ZNF26: variants seen among roughly 807,000 people sequenced by gnomAD.
ZNF26 encodes the protein epididymis luminal protein 179.
ZNF26 carries 32 observed loss-of-function variants against 54.9 expected under a neutral mutation model. The ratio of observed to expected loss-of-function variants is 0.58; its 90% CI spans 0.44 to 0.78. The LOEUF (loss-of-function observed/expected upper bound fraction) is 0.78, where lower values mean the gene tolerates loss of function less well. ZNF26 is among the 30% of genes least tolerant of loss of function. The pLI is 0.00. For missense variants in ZNF26, 524 were observed against 634.0 expected (o/e 0.83, Z 1.86); for synonymous variants, 221 against 209.2 (o/e 1.06, Z -0.49).
chr12:133,010,957 C>T lies in ZNF26; in HGVS notation c.1078C>T (p.His360Tyr), dbSNP rs1178039900. 1 of 1,614,040 alleles carries T rather than the reference C, an allele frequency of 6.2e-7. No homozygotes were observed. The highest frequency in any genetic ancestry group is 8.5e-7 in the Non-Finnish European group (1 of 1,180,030). Residue 360 changes from histidine to tyrosine, a missense_variant, in exon 4 of 4, where the codon CAT becomes TAT. His to Tyr is a moderately conservative substitution (Grantham distance 83, BLOSUM62 2). Coordinates refer to ENST00000328654, the MANE Select transcript of ZNF26 (RefSeq NM_019591.4). ...CAATATGAAGACACAACTCATTGTA[C>T]ATCAGGGAGTTCACACAGGAAATAA... ...AFNMKTQLIV[H>Y]QGVHTGNNPY...
chr12:132,990,966 C>T (rs1952936616), intron 1 of ZNF26, among the ~76,000 whole-genome samples: 1 of 151,856 alleles, frequency 6.6e-6, no homozygotes, highest in African/African-American at 2.4e-5. Flanking sequence ...TCAAGCGATT[C>T]TCCTGCCTCA....
At position 133,024,077 on chromosome 12, in the gene ZNF26, T is replaced by A. The variant is rs1953674291; in HGVS notation, c.*12596T>A. 6.6e-6 allele frequency: 1 copy of A among 152,204 alleles called. No individual in the cohort carries two copies. The highest frequency in any genetic ancestry group is 1.5e-5 in the Non-Finnish European group (1 of 68,044). The allele number at this position is 152,204 out of a possible 1,614,324, so 9.4% of individuals were successfully genotyped here. Reference sequence around the variant, plus strand: ...TCAGAAATAATAACGTCTTTGTTGCTATTTGTGCTATAATGTTTTGAGGTG... The same window carrying A: ...TCAGAAATAATAACGTCTTTGTTGCAATTTGTGCTATAATGTTTTGAGGTG... On this transcript the variant is annotated 3_prime_UTR_variant, in exon 4 of 4. Transcript: ENST00000328654.
At position 133,010,248 on chromosome 12, in the gene ZNF26, A is replaced by G; in HGVS notation, c.369A>G (p.Ser123=). Residue 123 remains serine, a synonymous_variant, in exon 4 of 4, where the codon TCA becomes TCG. Coordinates refer to ENST00000328654, the MANE Select transcript of ZNF26 (RefSeq NM_019591.4). The stretch of plus-strand genomic sequence containing the variant: ...ATCTGAGCAAAACCCATGATTCTTC[A>G]AGACAGAGACTCTATAACACACGTG... ...RLNLSKTHDS[S]RQRLYNTRGK... 6.2e-7 allele frequency: 1 copy of G among 1,614,110 alleles called. No homozygotes were observed. The highest frequency in any genetic ancestry group is 8.5e-7 in the Non-Finnish European group (1 of 1,180,026).
At chr12:132,987,959 C>A (rs1286974018) in intron 1 of ZNF26, among the ~76,000 whole-genome samples, 1 of 152,232 alleles carries the variant, frequency 6.6e-6, no homozygotes, top group African/African-American at 2.4e-5. Flanking sequence ...TTTGTTGTTT[C>A]ACTAATACCA....
chr12:132,990,120 C>CA (rs1466637168), intron 1 of ZNF26, among the ~76,000 whole-genome samples: 2 of 151,808 alleles, frequency 1.3e-5, no homozygotes, highest in Non-Finnish European at 2.9e-5. Context: ...CCCATCTCTA[C>CA]AAAAAATTAA....
intron 1 of ZNF26, among the ~76,000 whole-genome samples, chr12:132,987,105 C>A (rs1403474840): frequency 6.6e-6 from 1 of 152,316 alleles, no homozygotes; most frequent in East Asian, 1.9e-4. Context: ...CACTTCATGG[C>A]CAGCTGCGGG....
At position 133,020,819 on chromosome 12, in the gene ZNF26, T is replaced by G. The variant is rs1953630208; in HGVS notation, c.*9338T>G. On this transcript the variant is annotated 3_prime_UTR_variant, in exon 4 of 4. Coordinates refer to ENST00000328654, the MANE Select transcript of ZNF26 (RefSeq NM_019591.4). ...TCTGTTCCAGGCCTCTCTCCTTGGCTTGTAGATGGCTGTCTTCTCACTGTC... is the reference window on the plus strand; with the variant it reads ...TCTGTTCCAGGCCTCTCTCCTTGGCGTGTAGATGGCTGTCTTCTCACTGTC... 1 of 152,234 alleles carries G rather than the reference T, an allele frequency of 6.6e-6. No individual in the cohort carries two copies. Among genetic ancestry groups the G allele is most frequent in the African/African-American group, 2.4e-5 (1 of 41,458 alleles). The allele number at this position is 152,234 out of a possible 1,614,324, so 9.4% of individuals were successfully genotyped here.
chr12:133,003,591 T>G (rs1339322226), intron 1 of ZNF26, among the ~76,000 whole-genome samples: 1 of 152,124 alleles, frequency 6.6e-6, no homozygotes, highest in Non-Finnish European at 1.5e-5. Flanking sequence ...TGTACTGTAT[T>G]CCTGTATGTA....
chr12:133,026,938 A>G lies in ZNF26; in HGVS notation c.*15457A>G, dbSNP rs1193492069. On this transcript the variant is annotated 3_prime_UTR_variant, in exon 4 of 4. Transcript: ENST00000328654. ...AGAGTGATATGAAACATAAATACCT[A>G]TATAGGTTAAGAAAAATATTCAATA... 3.3e-5 allele frequency: 5 copies of G among 152,226 alleles called. No homozygotes were observed. The highest frequency in any genetic ancestry group is 5.9e-5 in the Non-Finnish European group (4 of 68,040). 9.4% of individuals were successfully genotyped at this position (152,226 alleles called of 1,614,324 possible). A position where few individuals can be genotyped will look rare whatever the true frequency, so the allele number is the denominator to read the frequency against.
At position 133,013,349 on chromosome 12, in the gene ZNF26, A is replaced by C. The variant is rs1953521497; in HGVS notation, c.*1868A>C. 6.6e-6 allele frequency: 1 copy of C among 152,284 alleles called. No homozygotes were observed. The highest frequency in any genetic ancestry group is 1.5e-5 in the Non-Finnish European group (1 of 68,088). The allele number at this position is 152,284 out of a possible 1,614,324, so 9.4% of individuals were successfully genotyped here. On this transcript the variant is annotated 3_prime_UTR_variant, in exon 4 of 4. Transcript: ENST00000328654. ...ATAGTATATTTGGCTTGGTGAATTA[A>C]AGTCAGTTCACCTCAAATGTTTACT...
rs1352212323 is a variant in ZNF26 at position 132,986,577 on chromosome 12, T to C, written c.-264T>C. 3.5e-6 allele frequency: 2 copies of C among 570,944 alleles called. No homozygotes were observed. Among genetic ancestry groups the C allele is most frequent in the African/African-American group, 3.8e-5 (2 of 53,120 alleles). The allele number at this position is 570,944 out of a possible 1,614,324, so 35.4% of individuals were successfully genotyped here. On this transcript the variant is annotated 5_prime_UTR_variant, in exon 1 of 4. Coordinates refer to ENST00000328654, the MANE Select transcript of ZNF26 (RefSeq NM_019591.4). ...CGTGGACGGGGCCAGATCAGCCTCC[T>C]GCTCTCCCGAGTCAGGGCCACGGAA...
At chr12:132,996,892 T>TTTTTGTTTTGTTTTGTTTTG (rs61558774) in intron 1 of ZNF26, among the ~76,000 whole-genome samples, 1 of 151,360 alleles carries the variant, frequency 6.6e-6, no homozygotes, top group Non-Finnish European at 1.5e-5. Flanking sequence ...TTCTCATGGT[T>TTTTTGTTTTGTTTTGTTTTG]TTTTGTTTTG....
intron 1 of ZNF26, among the ~76,000 whole-genome samples, chr12:132,991,549 C>T (rs1952956815): frequency 6.6e-6 from 1 of 151,750 alleles, no homozygotes; most frequent in Non-Finnish European, 1.5e-5. Context: ...GTAATCCCAG[C>T]ACTTTGGGAG....
Position 133,001,719 on chromosome 12 carries a change from T to C in ZNF26, c.34-5323T>C. 7.8e-7 allele frequency: 1 copy of C among 1,288,932 alleles called. No homozygotes were observed. The highest frequency in any genetic ancestry group is 2.3e-5 in the Admixed American group (1 of 43,546). The allele number at this position is 1,288,932 out of a possible 1,614,324, so 79.8% of individuals were successfully genotyped here. A position where few individuals can be genotyped will look rare whatever the true frequency, so the allele number is the denominator to read the frequency against. ...GTGTTCCTTGGGCCCAGGGAAACAG[T>C]GCCCTGCCTGAGGTGAGCCGCAGGG... On this transcript the variant is annotated intron_variant, in intron 1 of 3. Transcript: ENST00000328654. The surrounding 1 kb of genome is among the most constrained non-coding windows in gnomAD (Gnocchi z 4.7).
chr12:132,990,541 C>T (rs760522256), intron 1 of ZNF26, among the ~76,000 whole-genome samples: 1 of 152,018 alleles, frequency 6.6e-6, no homozygotes, highest in Non-Finnish European at 1.5e-5. Flanking sequence ...GGTATTAGAG[C>T]GATGCTGTCT....
Position 133,015,867 on chromosome 12 carries a change from C to G in ZNF26, c.*4386C>G, listed in dbSNP as rs2137272121. The G allele has an allele frequency of 6.6e-6, 1 of 152,190 alleles. No individual in the cohort carries two copies. The highest frequency in any genetic ancestry group is 1.9e-4 in the East Asian group (1 of 5,182). 9.4% of individuals were successfully genotyped at this position (152,190 alleles called of 1,614,324 possible). ...TACTGGCAAATAAAAGTGCTTCAAGCAGACGTTTATTTAGAAATTCATGCT... is the reference window on the plus strand; with the variant it reads ...TACTGGCAAATAAAAGTGCTTCAAGGAGACGTTTATTTAGAAATTCATGCT... On this transcript the variant is annotated 3_prime_UTR_variant, in exon 4 of 4. Transcript: ENST00000328654.
At chr12:132,987,693 G>T (rs1952854029) in intron 1 of ZNF26, 14 of 985,292 alleles carry the variant, frequency 1.4e-5, no homozygotes, top group Non-Finnish European at 1.7e-5. Flanking sequence ...GGTCTAAACT[G>T]GAAATACATA....
chr12:133,000,232 T>C (rs1953180572), intron 1 of ZNF26, among the ~76,000 whole-genome samples: 1 of 151,930 alleles, frequency 6.6e-6, no homozygotes, highest in South Asian at 2.1e-4. Context: ...TTATTTTGTA[T>C]TTTACTTTTA....
Position 133,027,077 on chromosome 12 carries a change from G to A in ZNF26, c.*15596G>A, listed in dbSNP as rs1953714853. On this transcript the variant is annotated 3_prime_UTR_variant, in exon 4 of 4. Transcript: ENST00000328654. The stretch of plus-strand genomic sequence containing the variant: ...TACTTCAAGCAGAACCTTACGAACA[G>A]TATAATTAAAATGAGGAACCGCTGA... 1 of 151,960 alleles carries A rather than the reference G, an allele frequency of 6.6e-6. No individual in the cohort carries two copies. Among genetic ancestry groups the A allele is most frequent in the Non-Finnish European group, 1.5e-5 (1 of 68,026 alleles). The allele number at this position is 151,960 out of a possible 1,614,324, so 9.4% of individuals were successfully genotyped here.
Sources: allele counts gnomAD v4.1 joint callset (sites outside exome capture counted in the v4.1 genomes callset), GRCh38; gene constraint gnomAD v4.1.1; non-coding constraint Gnocchi (gnomAD v3.1); transcripts MANE v1.5; gene names NCBI Gene and HGNC (gene_info 2026-07-23, HGNC 2026-07-21).